Variants in MYH7B observed in about 807,000 individuals in gnomAD.
The protein encoded by MYH7B is myosin-7B.
A neutral mutation model predicts 234.5 loss-of-function variants in MYH7B; 205 were observed. That is an observed-to-expected ratio of 0.87 (90% CI 0.78 to 0.98). The LOEUF (loss-of-function observed/expected upper bound fraction) is 0.98. Ranked by LOEUF, MYH7B falls within the 50% of genes least tolerant of loss-of-function variation. MYH7B has a pLI of 0.00. For synonymous variants in MYH7B, 1,193 were observed against 1,105.0 expected, an observed-to-expected ratio of 1.08 and a Z score of -1.58; for missense variants, 2,652 against 2,633.4, an observed-to-expected ratio of 1.01 and a Z score of -0.15.
In MYH7B at chr20:34,990,154, T is replaced by C. The variant is rs2147206515; in HGVS notation, c.1900+8T>C. On this transcript the variant is annotated splice_region_variant and intron_variant, in intron 21 of 44. Transcript: ENST00000262873. ...ATGCGGGCTCCTGCTCCAGTGAGTA[T>C]GGAGGGACAAGATCTCCACTCTGAC... 6.2e-7 allele frequency: 1 copy of C among 1,613,964 alleles called. No individual in the cohort carries two copies. Among genetic ancestry groups the C allele is most frequent in the Non-Finnish European group, 8.5e-7 (1 of 1,179,994 alleles).
At chr20:34,984,798 G>C in intron 11 of MYH7B, 56 bp from the exon 12 acceptor site, 1 of 1,600,620 alleles carries the variant, frequency 6.2e-7, no homozygotes, top group Non-Finnish European at 8.6e-7. Context: ...GGTGGCTCTG[G>C]CCTCCCGGTG....
exon 20 of MYH7B, chr20:34,989,888 C>G (rs1236042302): frequency 6.2e-7 from 1 of 1,614,144 alleles, no homozygotes; most frequent in East Asian, 2.2e-5. Flanking sequence ...AAGTACCAGG[C>G]CCACTTCGAG....
At chr20:34,984,914 A>C in exon 12 of MYH7B, 1 of 1,614,066 alleles carries the variant, frequency 6.2e-7, no homozygotes, top group East Asian at 2.2e-5. Context: ...TGGCAACGCC[A>C]AGACCCTGAG....
intron 36 of MYH7B, 81 bp from the exon 37 acceptor site, chr20:34,999,490 C>A: frequency 6.6e-7 from 1 of 1,526,388 alleles, no homozygotes. Context: ...GTGGGGCCAC[C>A]CTGGAATCAG....
chr20:34,987,701 T>C (rs374209834), intron 17 of MYH7B, 26 bp downstream of exon 17: 7 of 1,611,928 alleles, frequency 4.3e-6, no homozygotes, highest in Non-Finnish European at 5.9e-6. Context: ...GCCAAACCCA[T>C]GGGGGACAGC....
chr20:34,960,483 C>T (rs1003418413), intron 2 of MYH7B, among the ~76,000 whole-genome samples: 11 of 152,238 alleles, frequency 7.2e-5, no homozygotes, highest in Non-Finnish European at 1.5e-4. Flanking sequence ...GATCCACCCG[C>T]CTCAGCCTCC....
At chr20:34,986,024 C>T in intron 13 of MYH7B, 76 bp from the exon 14 acceptor site, 4 of 1,280,508 alleles carry the variant, frequency 3.1e-6, no homozygotes, top group Non-Finnish European at 4.4e-6. Context: ...CCACCTCTCT[C>T]CCTCCGCATC....
rs555025238 is a variant in MYH7B, at chr20:34,986,083, G to A, written c.806-17G>A. 7.9e-5 allele frequency: 124 copies of A among 1,561,608 alleles called. No homozygotes were observed. Among genetic ancestry groups the A allele is most frequent in the Non-Finnish European group, 6.4e-5 (74 of 1,150,374 alleles). On this transcript the variant is annotated splice_polypyrimidine_tract_variant and intron_variant, in intron 13 of 44. Coordinates refer to ENST00000262873, the Ensembl canonical transcript of MYH7B. ...GGGAGGTGTGGGAGATGGCAGGCCAGCGTCCCTTCTCCCCAGATCTCCTGG... is the reference window on the plus strand; with the variant it reads ...GGGAGGTGTGGGAGATGGCAGGCCAACGTCCCTTCTCCCCAGATCTCCTGG...
intron 2 of MYH7B, among the ~76,000 whole-genome samples, chr20:34,969,540 C>CTTTTTTTTT (rs770172832): frequency 7.9e-6 from 1 of 126,780 alleles, no homozygotes; most frequent in Non-Finnish European, 1.6e-5. Context: ...TCTTCTGCTC[C>CTTTTTTTTT]TTTTTTTTTT....
At position 34,980,743 on chromosome 20, in the gene MYH7B, C is replaced by T. The variant is rs1443047502; in HGVS notation, c.499+9C>T. ...CAACGACATGCTGCGCAGTAAGGGC[C>T]GCCTGGACTCCTCCCCAACCGCAGA... On this transcript the variant is annotated intron_variant, in intron 8 of 44. Transcript: ENST00000262873. The T allele has an allele frequency of 6.2e-7, 1 of 1,610,316 alleles. No individual in the cohort carries two copies.
At chr20:34,999,814 C>T (rs767976429) in exon 38 of MYH7B, 4 of 1,480,678 alleles carry the variant, frequency 2.7e-6, no homozygotes, top group East Asian at 6.6e-5. Context: ...TGGAGGAGAC[C>T]AAGACGCTGC....
chr20:34,998,272 T>C (rs1273091284), intron 32 of MYH7B, 23 bp from the exon 33 acceptor site: 3 of 1,612,794 alleles, frequency 1.9e-6, no homozygotes, highest in African/African-American at 1.3e-5. Flanking sequence ...TCCTGACCCC[T>C]GACTCCCAAC....
In MYH7B at chr20:35,000,365, G is replaced by T. The variant is rs370877741; in HGVS notation, c.4854G>T (p.Ala1618=). ...CAGAGACACGGGCCCGCAATGAGGC[G>T]CTGCGGCTCAAGAAGAAGATGGAGG... The change falls in exon 39 of 45, where the codon GCG becomes GCT. Residue 1618 remains alanine, a synonymous_variant. Transcript: ENST00000262873. 1.3e-6 allele frequency: 2 copies of T among 1,598,948 alleles called. No homozygotes were observed. Among genetic ancestry groups the T allele is most frequent in the Non-Finnish European group, 1.7e-6 (2 of 1,179,886 alleles).
intron 2 of MYH7B, among the ~76,000 whole-genome samples, chr20:34,972,562 C>T (rs1424826648): frequency 6.6e-6 from 1 of 152,004 alleles, no homozygotes; most frequent in Non-Finnish European, 1.5e-5. Context: ...TTTGCTTCTC[C>T]AGGGGAGTGT....
At chr20:34,970,711 G>A (rs989054401) in intron 2 of MYH7B, among the ~76,000 whole-genome samples, 2 of 152,216 alleles carry the variant, frequency 1.3e-5, no homozygotes, top group African/African-American at 2.4e-5. Flanking sequence ...TAAGCAGTGA[G>A]GCCCACTCCT....
intron 4 of MYH7B, 58 bp downstream of exon 4, chr20:34,977,738 G>GGGGGGGGGT: frequency 6.3e-6 from 2 of 317,142 alleles, no homozygotes; most frequent in South Asian, 2.1e-5. Context: ...GGGCGGGTGG[G>GGGGGGGGGT]TGAGGGTGCC....
At chr20:34,999,541 G>T (rs2082328151) in intron 36 of MYH7B, 30 bp from the exon 37 acceptor site, 1 of 1,569,954 alleles carries the variant, frequency 6.4e-7, no homozygotes, top group Non-Finnish European at 8.6e-7. Flanking sequence ...AAGCCATGGG[G>T]GTGGCCTCTC....
rs772312995 is a variant in MYH7B at position 34,979,853 on chromosome 20, C to T, written c.342+49C>T. On this transcript the variant is annotated intron_variant, in intron 7 of 44. Transcript: ENST00000262873. ...GGCGGGGTGGGGCTTGTATGTGGGG[C>T]GGGGCTAGAGATGAGGTGCTGGGGG... 20 of 1,498,158 alleles carry T rather than the reference C, an allele frequency of 1.3e-5. No individual in the cohort carries two copies. In the African/African-American group the frequency reaches 1.5e-4, roughly 12 times the overall value. 92.8% of individuals were successfully genotyped at this position (1,498,158 alleles called of 1,614,324 possible).
intron 24 of MYH7B, 137 bp downstream of exon 24, chr20:34,991,258 C>T: frequency 1.6e-6 from 1 of 636,018 alleles, no homozygotes; most frequent in Non-Finnish European, 2.7e-6. Flanking sequence ...GGCCAGGTAT[C>T]CCAGCAAGAC....
Sources: gnomAD v4.1 joint callset for allele counts (sites outside exome capture counted in the v4.1 genomes callset) on GRCh38, gnomAD v4.1.1 for gene constraint, MANE v1.5 for transcripts, NCBI Gene and HGNC (gene_info 2026-07-23, HGNC 2026-07-21) for gene names.